Variants in CHODL observed in about 807,000 individuals in gnomAD.
CHODL encodes transmembrane protein MT75.
A neutral mutation model predicts 34.5 loss-of-function variants in CHODL; 29 were observed. That is an observed-to-expected ratio of 0.84 (90% confidence interval 0.63 to 1.15). The LOEUF (loss-of-function observed/expected upper bound fraction) is 1.15. CHODL is among the 50% of genes most tolerant of loss of function. The probability of loss-of-function intolerance (pLI) is 0.00; values close to 1 mark genes in which losing one functional copy is unlikely to be tolerated. For missense variants in CHODL, 332 were observed against 332.5 expected, an observed-to-expected ratio of 1.00 and a Z score of 0.01; for synonymous variants, 125 against 116.1, an observed-to-expected ratio of 1.08 and a Z score of -0.49.
chr21:17,961,246 G>A (rs2063530235), intron 1 of CHODL, among the ~76,000 whole-genome samples: 1 of 152,144 alleles, frequency 6.6e-6, no homozygotes, highest in African/African-American at 2.4e-5. Flanking sequence ...TTATGCCTGA[G>A]AATTAAGCTC....
intron 2 of CHODL, among the ~76,000 whole-genome samples, chr21:18,117,470 C>G (rs2065426465): frequency 6.6e-6 from 1 of 152,148 alleles, no homozygotes; most frequent in South Asian, 2.1e-4. Flanking sequence ...CTCCTGCCTC[C>G]TTGGTAGTTA....
intron 2 of CHODL, among the ~76,000 whole-genome samples, chr21:18,111,813 T>C (rs577418421): frequency 6.6e-6 from 1 of 152,194 alleles, no homozygotes; most frequent in East Asian, 1.9e-4. Context: ...TAGCTTAGCC[T>C]ATTCAGTATT....
intron 2 of CHODL, among the ~76,000 whole-genome samples, chr21:18,166,944 CTATGAAAA>C (rs2073160775): frequency 6.6e-6 from 1 of 152,000 alleles, no homozygotes; most frequent in African/African-American, 2.4e-5. Flanking sequence ...TAATATGTAC[CTATGAAAA>C]TATTTAAGCC....
intron 3 of CHODL, among the ~76,000 whole-genome samples, chr21:18,259,930 A>G (rs907773815): frequency 6.6e-6 from 1 of 152,188 alleles, no homozygotes; most frequent in Non-Finnish European, 1.5e-5. Flanking sequence ...GGCTATCATC[A>G]GCACAGACCC....
chr21:18,012,843 A>G (rs897918427), intron 1 of CHODL, among the ~76,000 whole-genome samples: 1 of 152,238 alleles, frequency 6.6e-6, no homozygotes, highest in Non-Finnish European at 1.5e-5. Flanking sequence ...TAGTTCAATT[A>G]TGCTGGTGTA....
intron 2 of CHODL, among the ~76,000 whole-genome samples, chr21:18,140,874 A>T (rs553090600): frequency 3.9e-4 from 59 of 151,954 alleles, no homozygotes; most frequent in African/African-American, 1.4e-3. Context: ...ACATTTGAAA[A>T]TGCGAATTTT....
At chr21:18,113,023 A>C (rs2065370006) in intron 2 of CHODL, among the ~76,000 whole-genome samples, 1 of 152,172 alleles carries the variant, frequency 6.6e-6, no homozygotes, top group Non-Finnish European at 1.5e-5. Context: ...CCCCTCTGAC[A>C]GGGTATAAAT....
intron 1 of CHODL, among the ~76,000 whole-genome samples, chr21:17,968,869 A>G (rs2824585): frequency 0.34 from 51,872 of 152,080 alleles, 9,524 homozygotes; most frequent in East Asian, 0.67. Context: ...ATTACTGAAT[A>G]TCTTTTAACT....
intron 1 of CHODL, among the ~76,000 whole-genome samples, chr21:17,983,119 A>G (rs1201078672): frequency 6.6e-6 from 1 of 152,194 alleles, no homozygotes; most frequent in East Asian, 1.9e-4. Flanking sequence ...GTAAATTTGT[A>G]ACATTCATCA....
intron 1 of CHODL, among the ~76,000 whole-genome samples, chr21:17,951,574 C>CT (rs1466602558): frequency 6.6e-6 from 1 of 152,120 alleles, no homozygotes; most frequent in Non-Finnish European, 1.5e-5. Context: ...AGCAGGCAGA[C>CT]TTTAACTTAT....
chr21:18,088,206 G>A (rs779163062), intron 2 of CHODL, among the ~76,000 whole-genome samples: 9 of 152,122 alleles, frequency 5.9e-5, no homozygotes, highest in Non-Finnish European at 1.2e-4. Context: ...AGAGGGTGAG[G>A]TCTCTCCTAG....
chr21:18,170,913 T>A (rs1466631999), intron 2 of CHODL, among the ~76,000 whole-genome samples: 1 of 151,942 alleles, frequency 6.6e-6, no homozygotes, highest in Non-Finnish European at 1.5e-5. Context: ...TCCTTTTATT[T>A]TAGCTTGACA....
At chr21:18,083,430 G>A (rs1223794268) in intron 2 of CHODL, among the ~76,000 whole-genome samples, 2 of 152,204 alleles carry the variant, frequency 1.3e-5, no homozygotes, top group African/African-American at 4.8e-5. Flanking sequence ...CTGGCACACT[G>A]CCTAGTGGAG....
At chr21:17,953,882 T>TGCCTGTAA (rs1568815105) in intron 1 of CHODL, among the ~76,000 whole-genome samples, 1 of 151,974 alleles carries the variant, frequency 6.6e-6, no homozygotes, top group African/African-American at 2.4e-5. Context: ...TGGTGGTGCG[T>TGCCTGTAA]GCCTGTAATC....
chr21:18,054,609 A>C (rs2146474124), intron 2 of CHODL, among the ~76,000 whole-genome samples: 1 of 152,064 alleles, frequency 6.6e-6, no homozygotes, highest in East Asian at 1.9e-4. Flanking sequence ...ATAGGGTGTA[A>C]GGATGGATAA....
chr21:18,142,663 C>T (rs760361465), intron 2 of CHODL, among the ~76,000 whole-genome samples: 1 of 152,070 alleles, frequency 6.6e-6, no homozygotes, highest in Non-Finnish European at 1.5e-5. Context: ...AACTTTTTAC[C>T]ATTCATTTTC....
intron 1 of CHODL, among the ~76,000 whole-genome samples, chr21:18,001,680 A>G (rs1021776624): frequency 1.3e-4 from 20 of 151,872 alleles, no homozygotes; most frequent in African/African-American, 4.4e-4. Context: ...GAATTCATGC[A>G]TATTACATTG....
chr21:18,181,150 A>G (rs1317383071), intron 2 of CHODL, among the ~76,000 whole-genome samples: 5 of 152,174 alleles, frequency 3.3e-5, no homozygotes, highest in Non-Finnish European at 7.3e-5. Flanking sequence ...ATGAATAGGA[A>G]TGTGAAGGGA....
chr21:18,222,987 G>A (rs1233554022), intron 2 of CHODL, among the ~76,000 whole-genome samples: 1 of 152,094 alleles, frequency 6.6e-6, no homozygotes, highest in African/African-American at 2.4e-5. Flanking sequence ...TTCACTTGAG[G>A]AATTAAGTAG....
Sources: allele counts gnomAD v4.1 joint callset (sites outside exome capture counted in the v4.1 genomes callset), GRCh38; gene constraint gnomAD v4.1.1; transcripts MANE v1.5; gene names NCBI Gene and HGNC (gene_info 2026-07-23, HGNC 2026-07-21).